Variants in EFCAB13 observed in about 807,000 individuals in gnomAD.
The protein encoded by EFCAB13 is EF-hand calcium-binding domain-containing protein 13.
A neutral mutation model predicts 110.2 loss-of-function variants in EFCAB13; 91 were observed. That is an observed-to-expected ratio of 0.83 (90% CI 0.70 to 0.98). The LOEUF (loss-of-function observed/expected upper bound fraction) is 0.98. Ranked by LOEUF, EFCAB13 falls within the 50% of genes least tolerant of loss-of-function variation. EFCAB13 has a pLI of 0.00. For synonymous variants in EFCAB13, 323 were observed against 369.9 expected (o/e 0.87, Z 1.45); for missense variants, 968 against 1,119.4 (o/e 0.86, Z 1.93).
chr17:47,407,911 AACTTGTTGGAC>A (rs1349480585), intron 20 of EFCAB13, among the ~76,000 whole-genome samples: 1 of 152,110 alleles, frequency 6.6e-6, no homozygotes. Context: ...TCACACCATA[AACTTGTTGGAC>A]ACTTTACTGT....
chr17:47,346,533 A>C (rs940185943), intron 8 of EFCAB13, among the ~76,000 whole-genome samples: 1 of 140,988 alleles, frequency 7.1e-6, no homozygotes, highest in Admixed American at 7.3e-5. Context: ...TGAACAGGGG[A>C]GTACTACTGT....
At chr17:47,371,393 GT>G (rs1310180928) in intron 11 of EFCAB13, among the ~76,000 whole-genome samples, 3 of 152,100 alleles carry the variant, frequency 2.0e-5, no homozygotes, top group East Asian at 3.9e-4. Flanking sequence ...AGCTTGAGTT[GT>G]TTTTTGTATA....
At chr17:47,343,345 TG>T (rs1405728354) in intron 6 of EFCAB13, among the ~76,000 whole-genome samples, 7 of 152,124 alleles carry the variant, frequency 4.6e-5, no homozygotes, top group Non-Finnish European at 1.0e-4. Flanking sequence ...TCCAAACTCA[TG>T]TATGTAGAGT....
chr17:47,394,762 G>A (rs374607066), intron 16 of EFCAB13, among the ~76,000 whole-genome samples: 8 of 152,076 alleles, frequency 5.3e-5, no homozygotes, highest in African/African-American at 1.9e-4. Flanking sequence ...GATTTAATTT[G>A]TCTCCTATAT....
chr17:47,439,162 C>G (rs1159632561), intron 24 of EFCAB13, among the ~76,000 whole-genome samples: 5 of 103,396 alleles, frequency 4.8e-5, no homozygotes, highest in Non-Finnish European at 8.2e-5. Flanking sequence ...TGAGTTTCCT[C>G]TTTGTTTTGT....
intron 10 of EFCAB13, among the ~76,000 whole-genome samples, chr17:47,362,360 C>G: frequency 6.6e-6 from 1 of 152,232 alleles, no homozygotes; most frequent in South Asian, 2.1e-4. Flanking sequence ...TATGCCTGGA[C>G]AGGGCCACCA....
At chr17:47,385,224 T>C (rs571092423) in intron 14 of EFCAB13, among the ~76,000 whole-genome samples, 11 of 152,168 alleles carry the variant, frequency 7.2e-5, no homozygotes, top group African/African-American at 2.7e-4. Flanking sequence ...CCAGATAATA[T>C]CCTGAAGTGT....
At chr17:47,372,706 C>T (rs1303498867) in intron 11 of EFCAB13, among the ~76,000 whole-genome samples, 1 of 152,120 alleles carries the variant, frequency 6.6e-6, no homozygotes, top group African/African-American at 2.4e-5. Flanking sequence ...TTTCTAGGTA[C>T]AGTATTATTG....
chr17:47,361,494 G>T lies in EFCAB13; in HGVS notation c.778G>T (p.Glu260Ter). ...CCCTATAAACCGTGAAATTTTAGAA[G>T]AAGTGACAAAACATACCTATATTGA... ...GIPINREILEEVTKHTYIDSN... is the reference protein window; with the variant it reads ...GIPINREILE Residue 260 changes from glutamate to a stop codon, truncating the protein, a stop_gained, in exon 10 of 25, where the codon GAA becomes TAA. Transcript: ENST00000331493. LOFTEE classifies it high-confidence loss of function. 6.2e-7 allele frequency: 1 copy of T among 1,607,730 alleles called. No homozygotes were observed. The highest frequency in any genetic ancestry group is 8.5e-7 in the Non-Finnish European group (1 of 1,177,108).
At position 47,360,505 on chromosome 17, in the gene EFCAB13, C is replaced by T. The variant is rs940045621; in HGVS notation, c.662-873C>T. ...TTTTTCTTGTAAATTTGTTTGAGTTCATTGTAGATTCTGGATATTAGCCCT... is the reference window on the plus strand; with the variant it reads ...TTTTTCTTGTAAATTTGTTTGAGTTTATTGTAGATTCTGGATATTAGCCCT... On this transcript the variant is annotated intron_variant, in intron 9 of 24. Coordinates refer to ENST00000331493, the MANE Select transcript of EFCAB13 (RefSeq NM_152347.5). Among the ~76,000 whole-genome samples the T allele has an allele frequency of 7.9e-5, 12 of 152,076 alleles. No individual in the cohort carries two copies. The East Asian group carries it at 2.1e-3, about 27-fold the overall frequency.
At chr17:47,409,396 G>A (rs531110101) in intron 20 of EFCAB13, 1 of 393,700 alleles carries the variant, frequency 2.5e-6, no homozygotes, top group African/African-American at 2.0e-5. Flanking sequence ...AAGCATCTGT[G>A]ACATTAGAAA....
At chr17:47,397,225 GC>G (rs2065744729) in intron 17 of EFCAB13, among the ~76,000 whole-genome samples, 2 of 152,198 alleles carry the variant, frequency 1.3e-5, no homozygotes, top group African/African-American at 4.8e-5. Context: ...TGTTGGCCGG[GC>G]TGGTCTCCAG....
chr17:47,373,382 C>T (rs1051203141), intron 11 of EFCAB13, among the ~76,000 whole-genome samples: 2 of 152,124 alleles, frequency 1.3e-5, no homozygotes, highest in African/African-American at 4.8e-5. Context: ...ATTCCCTGAA[C>T]TTTCTCTAGA....
At chr17:47,433,634 T>C (rs1458202847) in intron 24 of EFCAB13, among the ~76,000 whole-genome samples, 1 of 152,206 alleles carries the variant, frequency 6.6e-6, no homozygotes, top group Non-Finnish European at 1.5e-5. Context: ...TACTGTGTTG[T>C]TCTAATGTTG....
chr17:47,409,948 A>G (rs1368356776), intron 21 of EFCAB13, among the ~76,000 whole-genome samples: 3 of 152,066 alleles, frequency 2.0e-5, no homozygotes, highest in African/African-American at 7.2e-5. Flanking sequence ...TGCTTTCTGT[A>G]CTTCAACTAA....
At chr17:47,419,480 A>G (rs1449665877) in intron 23 of EFCAB13, among the ~76,000 whole-genome samples, 1 of 152,178 alleles carries the variant, frequency 6.6e-6, no homozygotes, top group Non-Finnish European at 1.5e-5. Flanking sequence ...CTACTCAGGA[A>G]GACAGGAGGA....
intron 17 of EFCAB13, among the ~76,000 whole-genome samples, chr17:47,399,053 G>A (rs964393958): frequency 6.6e-6 from 1 of 152,078 alleles, no homozygotes; most frequent in Non-Finnish European, 1.5e-5. Context: ...CTCCCAAGTA[G>A]CTGGGACTAC....
At chr17:47,336,501 C>T (rs750457325) in intron 5 of EFCAB13, among the ~76,000 whole-genome samples, 9 of 152,038 alleles carry the variant, frequency 5.9e-5, no homozygotes, top group Non-Finnish European at 1.2e-4. Context: ...CCATGTTAGC[C>T]ATGATGGTCT....
chr17:47,370,649 A>G, intron 11 of EFCAB13, 141 bp downstream of exon 11: 1 of 548,454 alleles, frequency 1.8e-6, no homozygotes, highest in Non-Finnish European at 3.1e-6. Context: ...AGGAGATAAA[A>G]TATAATACTC....
Sources: allele counts gnomAD v4.1 joint callset (sites outside exome capture counted in the v4.1 genomes callset), GRCh38; gene constraint gnomAD v4.1.1; transcripts MANE v1.5; gene names NCBI Gene and HGNC (gene_info 2026-07-23, HGNC 2026-07-21).